Variants in NECTIN1 observed in about 807,000 individuals in gnomAD.
NECTIN1 encodes nectin-1.
NECTIN1 carries 23 observed loss-of-function variants against 48.0 expected under a neutral mutation model. The ratio of observed to expected loss-of-function variants is 0.48; its 90% CI spans 0.34 to 0.68. NECTIN1 has a LOEUF of 0.68. Among genes scored for constraint, NECTIN1 ranks in the 30% least tolerant of loss-of-function variants. The pLI, the probability that NECTIN1 is intolerant of heterozygous loss-of-function variation, is 0.01. For missense variants in NECTIN1, 591 were observed against 709.9 expected (o/e 0.83, Z 1.90); for synonymous variants, 270 against 288.9 (o/e 0.93, Z 0.66).
intron 7 of NECTIN1, among the ~76,000 whole-genome samples, chr11:119,638,440 C>T (rs966885869): frequency 6.6e-6 from 1 of 152,160 alleles, no homozygotes; most frequent in African/African-American, 2.4e-5. Flanking sequence ...TAGCAGGGAC[C>T]CAGCTTGGGG....
chr11:119,705,776 T>C (rs1346938839), intron 1 of NECTIN1, among the ~76,000 whole-genome samples: 2 of 152,176 alleles, frequency 1.3e-5, no homozygotes, highest in Non-Finnish European at 1.5e-5. Context: ...ACTGCAATCA[T>C]CTGGGGCATC....
intron 1 of NECTIN1, among the ~76,000 whole-genome samples, chr11:119,704,881 G>A (rs1018916853): frequency 6.6e-6 from 1 of 152,254 alleles, no homozygotes; most frequent in Non-Finnish European, 1.5e-5. Flanking sequence ...GACAGCTCTA[G>A]CTAAGATCTG....
chr11:119,661,398 GT>G lies in NECTIN1; in HGVS notation c.*3348del, dbSNP rs1472702228. ...AGGGGCCTGCCTCCTGGCATCCCCG[GT>G]ACTGGGCAGTGTGTGAAGCCTCCCT... On this transcript the variant is annotated 3_prime_UTR_variant, in exon 6 of 6. Coordinates refer to ENST00000264025, the MANE Select transcript of NECTIN1 (RefSeq NM_002855.5). The G allele has an allele frequency of 6.1e-6, 6 of 985,992 alleles. No homozygotes were observed. The South Asian group carries it at 2.8e-4, about 46-fold the overall frequency. 61.1% of individuals were successfully genotyped at this position (985,992 alleles called of 1,614,324 possible). A position where few individuals can be genotyped will look rare whatever the true frequency, so the allele number is the denominator to read the frequency against.
chr11:119,680,634 A>G (rs1865044218), intron 1 of NECTIN1, among the ~76,000 whole-genome samples: 1 of 152,224 alleles, frequency 6.6e-6, no homozygotes, highest in Admixed American at 6.5e-5. Flanking sequence ...TGCTCAGCAT[A>G]AAGTAGCTAC....
At chr11:119,652,007 T>C (rs1465005950) in intron 5 of NECTIN1, among the ~76,000 whole-genome samples, 1 of 152,128 alleles carries the variant, frequency 6.6e-6, no homozygotes, top group Non-Finnish European at 1.5e-5. Flanking sequence ...CCCAGCCCCC[T>C]GCCTCCTAGT....
chr11:119,645,379 C>G (rs1051688821), intron 5 of NECTIN1, among the ~76,000 whole-genome samples: 2 of 152,140 alleles, frequency 1.3e-5, no homozygotes, highest in African/African-American at 4.8e-5. Context: ...TGGGAGGGCT[C>G]CCAAGTCTTA....
chr11:119,720,861 C>A (rs185410513), intron 1 of NECTIN1, among the ~76,000 whole-genome samples: 1 of 152,262 alleles, frequency 6.6e-6, no homozygotes, highest in African/African-American at 2.4e-5. Context: ...GGACAAGGAA[C>A]GCGAGCTGGG....
intron 1 of NECTIN1, among the ~76,000 whole-genome samples, chr11:119,691,530 C>A (rs575770503): frequency 5.3e-5 from 8 of 152,240 alleles, no homozygotes; most frequent in Admixed American, 6.5e-5. Context: ...CTGCCTTGCT[C>A]TTGCCCCGCT....
In NECTIN1 at chr11:119,662,518, G is replaced by C. The variant is rs1466306210; in HGVS notation, c.*2229C>G. ...ACTCAGTGCTTTGGCTGGGCTTGGG[G>C]CCTTCAAAGTCCAACACAGAATGGG... On this transcript the variant is annotated 3_prime_UTR_variant, in exon 6 of 6. Coordinates refer to ENST00000264025, the MANE Select transcript of NECTIN1 (RefSeq NM_002855.5). The surrounding 1 kb of genome is among the most constrained non-coding windows in gnomAD (Gnocchi z 5.3). The C allele has an allele frequency of 1.0e-6, 1 of 985,722 alleles. No homozygotes were observed. Among genetic ancestry groups the C allele is most frequent in the East Asian group, 1.1e-4 (1 of 8,794 alleles). 61.1% of individuals were successfully genotyped at this position (985,722 alleles called of 1,614,324 possible).
chr11:119,681,550 G>C (rs1215100160), intron 1 of NECTIN1, among the ~76,000 whole-genome samples: 1 of 152,206 alleles, frequency 6.6e-6, no homozygotes. Context: ...CCTCAGAGCT[G>C]TGTCAATGCC....
chr11:119,687,847 G>A (rs1865185289), intron 1 of NECTIN1, among the ~76,000 whole-genome samples: 1 of 152,206 alleles, frequency 6.6e-6, no homozygotes, highest in South Asian at 2.1e-4. Context: ...CAACCCTCCC[G>A]ATGCCCTGTC....
intron 5 of NECTIN1, among the ~76,000 whole-genome samples, chr11:119,645,090 T>G (rs769235984): frequency 5.0e-4 from 45 of 90,286 alleles, no homozygotes; most frequent in Non-Finnish European, 1.0e-3. Flanking sequence ...TCTGCTTGTC[T>G]CCTCTGATGC....
At chr11:119,640,488 G>A (rs897331821) in intron 5 of NECTIN1, 11 of 189,714 alleles carry the variant, frequency 5.8e-5, no homozygotes, top group Non-Finnish European at 9.9e-5. Flanking sequence ...TGGGAGGGTC[G>A]ATGAAGAAGG....
chr11:119,647,435 T>A (rs1453012712), intron 5 of NECTIN1, among the ~76,000 whole-genome samples: 4 of 151,924 alleles, frequency 2.6e-5, no homozygotes. Context: ...TGGAGAGAGT[T>A]ACTGGGATTT....
chr11:119,709,549 G>A lies in NECTIN1; in HGVS notation c.79+18926C>T, dbSNP rs889636782. ...GTGGAGGTTCAGGGGTTGGGGAAGG[G>A]AAGGGCTAGCTCCCTAGTCTGTAAG... is the stretch of plus-strand genomic sequence containing the variant. On this transcript the variant is annotated intron_variant, in intron 1 of 5. Transcript: ENST00000264025. This position sits in a 1 kb window ranked among gnomAD's most constrained non-coding sequence, Gnocchi z 4.1. Among the ~76,000 whole-genome samples the A allele has an allele frequency of 1.3e-5, 2 of 152,184 alleles. No individual in the cohort carries two copies. The highest frequency in any genetic ancestry group is 6.5e-5 in the Admixed American group (1 of 15,280).
intron 1 of NECTIN1, among the ~76,000 whole-genome samples, chr11:119,697,737 C>T (rs1304735513): frequency 1.3e-5 from 2 of 152,186 alleles, no homozygotes; most frequent in East Asian, 3.8e-4. Context: ...TGGTTGTGGT[C>T]CACTGTGCTC....
chr11:119,661,597 C>T lies in NECTIN1; in HGVS notation c.*3150G>A, dbSNP rs564881362. The T allele has an allele frequency of 4.4e-5, 43 of 985,874 alleles. No homozygotes were observed. The highest frequency in any genetic ancestry group is 1.1e-4 in the East Asian group (1 of 8,812). 61.1% of individuals were successfully genotyped at this position (985,874 alleles called of 1,614,324 possible). ...GGCTCAGCAGAGCTGCCCACACCCA[C>T]CTAACACAATTCCCAATTTCTCTGC... On this transcript the variant is annotated 3_prime_UTR_variant, in exon 6 of 6. Transcript: ENST00000264025.
Position 119,678,891 on chromosome 11 carries a change from A to G in NECTIN1, c.80-126T>C, listed in dbSNP as rs1865011104. On this transcript the variant is annotated intron_variant, in intron 1 of 5. Transcript: ENST00000264025. The surrounding 1 kb of genome is among the most constrained non-coding windows in gnomAD (Gnocchi z 4.4). ...TTGTTTTTATTCCGATTGTAAAAATATTAATTACTTGTTATAAAAACACTC... is the reference window on the plus strand; with the variant it reads ...TTGTTTTTATTCCGATTGTAAAAATGTTAATTACTTGTTATAAAAACACTC... 1.4e-6 allele frequency: 1 copy of G among 716,034 alleles called. No individual in the cohort carries two copies. The highest frequency in any genetic ancestry group is 2.5e-6 in the Non-Finnish European group (1 of 404,244). The allele number at this position is 716,034 out of a possible 1,614,324, so 44.4% of individuals were successfully genotyped here. A position where few individuals can be genotyped will look rare whatever the true frequency, so the allele number is the denominator to read the frequency against.
rs570560677 is a variant in NECTIN1, at chr11:119,677,231, G to A, written c.734-12C>T. 6 of 1,609,658 alleles carry A rather than the reference G, an allele frequency of 3.7e-6. No individual in the cohort carries two copies. The highest frequency in any genetic ancestry group is 5.1e-6 in the Non-Finnish European group (6 of 1,176,096). ...TACCTCAGGCTCATCTGTGGGGCAA[G>A]GGATGTTTGAAGAGGGTGAGGTCAG... is the stretch of plus-strand genomic sequence containing the variant. On this transcript the variant is annotated splice_polypyrimidine_tract_variant and intron_variant, in intron 3 of 5. Coordinates refer to ENST00000264025, the MANE Select transcript of NECTIN1 (RefSeq NM_002855.5). The surrounding 1 kb of genome is among the most constrained non-coding windows in gnomAD (Gnocchi z 5.4).
Sources: gnomAD v4.1 joint callset for allele counts (sites outside exome capture counted in the v4.1 genomes callset) on GRCh38, gnomAD v4.1.1 for gene constraint, Gnocchi (gnomAD v3.1) non-coding constraint, MANE v1.5 for transcripts, NCBI Gene and HGNC (gene_info 2026-07-23, HGNC 2026-07-21) for gene names.